STIL: variants seen among roughly 807,000 people sequenced by gnomAD.
STIL encodes the protein SCL-interrupting locus protein.
STIL carries 55 observed loss-of-function variants against 110.1 expected under a neutral mutation model. That is an observed-to-expected ratio of 0.50 (90% CI 0.40 to 0.63). STIL has a LOEUF of 0.63. STIL is among the 20% of genes least tolerant of loss of function. The pLI is 0.00. For missense variants in STIL, 1,358 were observed against 1,530.0 expected (o/e 0.89, Z 1.87); for synonymous variants, 481 against 530.0 (o/e 0.91, Z 1.27).
upstream of STIL, among the ~76,000 whole-genome samples, chr1:47,314,452 A>C (rs2149311394): frequency 6.6e-6 from 1 of 152,356 alleles, no homozygotes; most frequent in South Asian, 2.1e-4. Context: ...TGGAAAGCCC[A>C]GCTAGGTAGA....
At chr1:47,279,228 A>T (rs1441882410) in intron 12 of STIL, among the ~76,000 whole-genome samples, 1 of 150,334 alleles carries the variant, frequency 6.7e-6, no homozygotes, top group Non-Finnish European at 1.5e-5. Flanking sequence ...GCTTGCAGTG[A>T]GCCGAGATCG....
intron 16 of STIL, 135 bp downstream of exon 16, chr1:47,260,154 C>CA: frequency 2.3e-6 from 2 of 864,272 alleles, no homozygotes; most frequent in Non-Finnish European, 3.5e-6. Context: ...AATTGAGGCA[C>CA]AAACGTAACT....
At chr1:47,269,999 G>C in intron 13 of STIL, 133 bp from the exon 14 acceptor site, 1 of 807,546 alleles carries the variant, frequency 1.2e-6, no homozygotes, top group Non-Finnish European at 2.1e-6. Context: ...CACTTTGAGA[G>C]GCAGAGGCGG....
chr1:47,292,202 A>G (rs1324587681), intron 8 of STIL, among the ~76,000 whole-genome samples: 1 of 151,984 alleles, frequency 6.6e-6, no homozygotes, highest in South Asian at 2.1e-4. Flanking sequence ...TCTGATCCCC[A>G]GTACTGTGAA....
At chr1:47,314,426 C>G (rs1306822786), upstream of STIL, among the ~76,000 whole-genome samples, 1 of 152,188 alleles carries the variant, frequency 6.6e-6, no homozygotes, top group Non-Finnish European at 1.5e-5. Flanking sequence ...GCGGGGTAGG[C>G]TTTCCGCAAG....
chr1:47,255,506 G>A (rs11211495), intron 16 of STIL, among the ~76,000 whole-genome samples: 37,823 of 147,042 alleles, frequency 0.26, 5,137 homozygotes, highest in Non-Finnish European at 0.31. Flanking sequence ...CCATGATTGT[G>A]CCACTGCACT....
intron 7 of STIL, among the ~76,000 whole-genome samples, chr1:47,294,934 T>A (rs866298271): frequency 5.9e-5 from 9 of 152,220 alleles, no homozygotes; most frequent in Admixed American, 2.0e-4. Context: ...TTTTTATTTT[T>A]TTTTGAGAAG....
intron 5 of STIL, 135 bp downstream of exon 5, chr1:47,301,426 T>C: frequency 3.0e-6 from 3 of 1,002,842 alleles, no homozygotes; most frequent in Non-Finnish European, 4.5e-6. Flanking sequence ...ACACATTTAG[T>C]TGGATTTTAG....
At chr1:47,256,620 C>CA (rs35642855) in intron 16 of STIL, among the ~76,000 whole-genome samples, 5,031 of 85,894 alleles carry the variant, frequency 0.059, 444 homozygotes, top group African/African-American at 0.19. Flanking sequence ...GACTCCATCT[C>CA]AAAAAAAAAA....
rs775610598 is a variant in STIL, at chr1:47,251,303, C to T, written c.3700G>A (p.Gly1234Arg). The change falls in exon 17 of 17, where the codon GGG becomes AGG. Residue 1234 changes from glycine to arginine, a missense_variant. Transcript: ENST00000371877. ...KPSPAVNLRT[G>R]KAEFTQHPEK... The stretch of plus-strand genomic sequence containing the variant: ...GGATGTTGAGTGAACTCTGCTTTCC[C>T]GGTTCGAAGGTTCACTGCAGGACTT... 29 of 1,613,744 alleles carry T rather than the reference C, an allele frequency of 1.8e-5. No homozygotes were observed. Among genetic ancestry groups the T allele is most frequent in the Non-Finnish European group, 2.3e-5 (27 of 1,179,784 alleles).
intron 8 of STIL, among the ~76,000 whole-genome samples, chr1:47,290,976 C>T (rs922600075): frequency 2.6e-5 from 4 of 152,152 alleles, no homozygotes; most frequent in Non-Finnish European, 5.9e-5. Flanking sequence ...AGCCCTTACA[C>T]TTAACACATC....
chr1:47,280,350 C>T lies in STIL; in HGVS notation c.2108G>A (p.Cys703Tyr). 1 of 1,614,214 alleles carries T rather than the reference C, an allele frequency of 6.2e-7. No individual in the cohort carries two copies. The highest frequency in any genetic ancestry group is 1.1e-5 in the South Asian group (1 of 91,084). The change falls in exon 12 of 17, where the codon TGC becomes TAC. Residue 703 changes from cysteine (C) to tyrosine (Y), a missense_variant. Coordinates refer to ENST00000371877, the MANE Select transcript of STIL (RefSeq NM_001048166.1). ...TGACTCAGTCTTGGGTGTGTGCATG[C>T]ACACTGTGCAAGGCTGTGGGTTACA... is the stretch of plus-strand genomic sequence containing the variant. ...DLCNPQPCTVCMHTPKTESDN... is the reference protein window; with the variant it reads ...DLCNPQPCTVYMHTPKTESDN...
chr1:47,280,244 T>A lies in STIL; in HGVS notation c.2214A>T (p.Ala738=), dbSNP rs761817980. 2 of 1,614,216 alleles carry A rather than the reference T, an allele frequency of 1.2e-6. No homozygotes were observed. The highest frequency in any genetic ancestry group is 1.7e-6 in the Non-Finnish European group (2 of 1,180,044). Residue 738 remains alanine, a synonymous_variant, in exon 12 of 17, where the codon GCA becomes GCT. Coordinates refer to ENST00000371877, the MANE Select transcript of STIL (RefSeq NM_001048166.1). ...ACTAGGAAAGCACCAAGCAAACCTG[T>A]GCCTGAAGTAGTCTTAGCTGTCTGT... ...EQDRQLRLLQ[A]QIQRLLEAQS...
chr1:47,297,399 C>T (rs1223610074), intron 6 of STIL, among the ~76,000 whole-genome samples: 2 of 151,860 alleles, frequency 1.3e-5, no homozygotes, highest in Non-Finnish European at 2.9e-5. Context: ...GCATTTTGGA[C>T]ATCCCTCCCC....
rs370644481 is a variant in STIL at position 47,293,461 on chromosome 1, T to G, written c.869A>C (p.Glu290Ala). The change falls in exon 8 of 17, where the codon GAA becomes GCA. Residue 290 changes from glutamate to alanine, a missense_variant. Coordinates refer to ENST00000371877, the MANE Select transcript of STIL (RefSeq NM_001048166.1). ...LRYIFNSSVQ[E>A]RVFSESGNFI... ...TACAGAATAAAATATCACTTGCCTT[T>G]CTTGAACAGAAGAATTGAATATGTA... is the stretch of plus-strand genomic sequence containing the variant. The G allele has an allele frequency of 1.4e-5, 23 of 1,612,076 alleles. No homozygotes were observed. Among genetic ancestry groups the G allele is most frequent in the Non-Finnish European group, 1.8e-5 (21 of 1,178,540 alleles).
In STIL at chr1:47,281,076, T is replaced by G. The variant is rs1280945893; in HGVS notation, c.1382A>C (p.His461Pro). The G allele has an allele frequency of 6.2e-7, 1 of 1,614,158 alleles. No homozygotes were observed. The change falls in exon 12 of 17, where the codon CAC becomes CCC. Residue 461 changes from histidine (H) to proline (P), a missense_variant. Transcript: ENST00000371877. Reference sequence around the variant, plus strand: ...AAGCTGGGGTTGCAATGGCTTCAAGTGTTCCAAGTGGTTAATCAAAGGAGG... The same window carrying G: ...AAGCTGGGGTTGCAATGGCTTCAAGGGTTCCAAGTGGTTAATCAAAGGAGG... ...ENPPLINHLEHLKPLQPQLYD... is the reference protein window; with the variant it reads ...ENPPLINHLEPLKPLQPQLYD...
rs148947235 is a variant in STIL, at chr1:47,299,992, T to C, written c.614A>G (p.Lys205Arg). 11 of 1,614,046 alleles carry C rather than the reference T, an allele frequency of 6.8e-6. No individual in the cohort carries two copies. In the African/African-American group the frequency reaches 1.5e-4, roughly 22 times the overall value. ...AGCTGTTGGAATAATGGGGATGGGC[T>C]TCACAGGTGTGCATTTAAAGTTATT... ...LANNFKCTPV[K>R]PIPIIPTALA... Residue 205 changes from lysine (K) to arginine (R), a missense_variant, in exon 6 of 17, where the codon AAG (lysine) becomes AGG (arginine). Transcript: ENST00000371877.
At chr1:47,252,776 TATAC>T (rs1480718534) in intron 16 of STIL, among the ~76,000 whole-genome samples, 1 of 103,854 alleles carries the variant, frequency 9.6e-6, no homozygotes, top group Non-Finnish European at 2.0e-5. Flanking sequence ...GATATGGGCT[TATAC>T]ACACACACAC....
chr1:47,312,057 A>C (rs948991237), intron 1 of STIL, among the ~76,000 whole-genome samples: 1 of 152,116 alleles, frequency 6.6e-6, no homozygotes, highest in African/African-American at 2.4e-5. Flanking sequence ...CTCTGTGTGA[A>C]GCAAGATAAA....
Sources: gnomAD v4.1 joint callset for allele counts (sites outside exome capture counted in the v4.1 genomes callset) on GRCh38, gnomAD v4.1.1 for gene constraint, MANE v1.5 for transcripts, NCBI Gene and HGNC (gene_info 2026-07-23, HGNC 2026-07-21) for gene names.